The following ABCA13 variants were observed in gnomAD, a reference collection of about 807,000 sequenced individuals.
ABCA13 encodes ATP-binding cassette sub-family A member 13.
A neutral mutation model predicts 478.7 loss-of-function variants in ABCA13; 476 were observed. The observed-to-expected ratio is 0.99, with a 90% CI of 0.92 to 1.07. The LOEUF is 1.07. Ranked by LOEUF, ABCA13 falls within the 50% of genes least tolerant of loss-of-function variation. The pLI, the probability that ABCA13 is intolerant of heterozygous loss-of-function variation, is 0.00. For missense variants in ABCA13, 6,060 were observed against 5,910.6 expected (o/e 1.03, Z -0.83); for synonymous variants, 2,252 against 2,158.9 (o/e 1.04, Z -1.20).
At chr7:48,585,792 TA>T (rs1258965138) in intron 56 of ABCA13, among the ~76,000 whole-genome samples, 1 of 152,150 alleles carries the variant, frequency 6.6e-6, no homozygotes, top group Non-Finnish European at 1.5e-5. Context: ...TGATTATATC[TA>T]AAAAATGAAT....
intron 37 of ABCA13, among the ~76,000 whole-genome samples, chr7:48,391,147 C>A (rs1241177659): frequency 6.6e-6 from 1 of 152,162 alleles, no homozygotes; most frequent in Non-Finnish European, 1.5e-5. Context: ...TTTTAACACA[C>A]ACAGACTATC....
At chr7:48,312,995 A>C (rs1801993614) in intron 24 of ABCA13, 72 bp from the exon 25 acceptor site, 3 of 1,427,560 alleles carry the variant, frequency 2.1e-6, no homozygotes, top group South Asian at 3.3e-5. Context: ...TTCACAGCTC[A>C]AAAGATGCTT....
intron 54 of ABCA13, among the ~76,000 whole-genome samples, chr7:48,526,800 T>C (rs1258550165): frequency 1.3e-5 from 2 of 152,196 alleles, no homozygotes; most frequent in Non-Finnish European, 2.9e-5. Context: ...TGAACTATCA[T>C]TGACTGTATA....
Position 48,232,139 on chromosome 7 carries a change from A to ATTTTTTTTTTTTTTTTTTTTTTTTTTTTT in ABCA13, c.764-1854_764-1853insTTTTTTTTTTTTTTTTTTTTTTTTTTTTT, listed in dbSNP as rs71006559. On this transcript the variant is annotated intron_variant, in intron 7 of 61. Coordinates refer to ENST00000435803, the MANE Select transcript of ABCA13 (RefSeq NM_152701.5). ...CTCAGCACAGTGAGACCCACATGGA[A>ATTTTTTTTTTTTTTTTTTTTTTTTTTTTT]TTTTTTTTTTTTTTTTTTTTTTTTT... is the stretch of plus-strand genomic sequence containing the variant. Among the ~76,000 whole-genome samples, 8 of 51,308 alleles carry ATTTTTTTTTTTTTTTTTTTTTTTTTTTTT rather than the reference A, an allele frequency of 1.6e-4. 1 individual carries two copies. Among genetic ancestry groups the ATTTTTTTTTTTTTTTTTTTTTTTTTTTTT allele is most frequent in the East Asian group, 5.4e-4 (1 of 1,844 alleles). The allele number at this position is 51,308 out of a possible 152,430, so 33.7% of individuals were successfully genotyped here. A position where few individuals can be genotyped will look rare whatever the true frequency, so the allele number is the denominator to read the frequency against.
intron 58 of ABCA13, among the ~76,000 whole-genome samples, chr7:48,599,674 G>T (rs893333877): frequency 3.3e-5 from 5 of 152,166 alleles, no homozygotes; most frequent in Admixed American, 6.5e-5. Context: ...GGTGTGTACT[G>T]CAGTATCCAA....
chr7:48,380,436 T>C (rs1814164413), intron 35 of ABCA13, among the ~76,000 whole-genome samples: 1 of 152,238 alleles, frequency 6.6e-6, no homozygotes. Context: ...GGACAATTTC[T>C]GCTTTAAAAA....
intron 30 of ABCA13, among the ~76,000 whole-genome samples, chr7:48,351,881 A>T (rs4145715): frequency 0.24 from 36,990 of 152,162 alleles, 5,050 homozygotes; most frequent in African/African-American, 0.37. Flanking sequence ...AGAGAAAAAA[A>T]CCCTGCAAAA....
chr7:48,620,134 A>G (rs2131588441), intron 59 of ABCA13, among the ~76,000 whole-genome samples: 1 of 152,212 alleles, frequency 6.6e-6, no homozygotes, highest in Admixed American at 6.5e-5. Flanking sequence ...TCTGAGGAGG[A>G]GGAGGAGGAG....
chr7:48,412,621 C>A, intron 41 of ABCA13, 38 bp downstream of exon 41: 2 of 1,531,060 alleles, frequency 1.3e-6, no homozygotes, highest in Non-Finnish European at 8.9e-7. Context: ...ATTATTTATG[C>A]CTTTTTGACC....
intron 3 of ABCA13, among the ~76,000 whole-genome samples, chr7:48,216,367 A>G (rs1786480776): frequency 6.6e-6 from 1 of 152,084 alleles, no homozygotes; most frequent in Admixed American, 6.6e-5. Flanking sequence ...CTTTTTATGT[A>G]GTTTTTGGCC....
At chr7:48,606,202 A>T (rs1791447209) in intron 58 of ABCA13, among the ~76,000 whole-genome samples, 1 of 152,088 alleles carries the variant, frequency 6.6e-6, no homozygotes, top group Non-Finnish European at 1.5e-5. Flanking sequence ...CACCTTCTGA[A>T]GCCTACTTCT....
intron 38 of ABCA13, among the ~76,000 whole-genome samples, chr7:48,396,664 G>A (rs61041164): frequency 0.12 from 18,370 of 152,190 alleles, 1,510 homozygotes; most frequent in African/African-American, 0.23. Context: ...TGGGAGTACG[G>A]ACCCTCATTG....
chr7:48,314,487 TTCTG>T, intron 26 of ABCA13, 78 bp downstream of exon 26: 2 of 1,303,968 alleles, frequency 1.5e-6, no homozygotes, highest in South Asian at 1.5e-5. Context: ...ATAGTAAGTA[TTCTG>T]TCTGTGTATA....
At chr7:48,629,575 CAAAA>C (rs11392411) in intron 59 of ABCA13, among the ~76,000 whole-genome samples, 8 of 66,948 alleles carry the variant, frequency 1.2e-4, no homozygotes, top group Non-Finnish European at 1.6e-4. Context: ...TACATTTTGG[CAAAA>C]AAAAAAAAAA....
intron 41 of ABCA13, among the ~76,000 whole-genome samples, chr7:48,420,248 T>G (rs1820569200): frequency 6.6e-6 from 1 of 152,190 alleles, no homozygotes; most frequent in Non-Finnish European, 1.5e-5. Flanking sequence ...GATCTCCAAC[T>G]TTACCTACAA....
intron 23 of ABCA13, among the ~76,000 whole-genome samples, chr7:48,309,678 A>AG (rs762570902): frequency 3.3e-5 from 5 of 152,150 alleles, no homozygotes; most frequent in African/African-American, 4.8e-5. Flanking sequence ...TGGAGAGCAG[A>AG]GGGACAGAGT....
intron 42 of ABCA13, among the ~76,000 whole-genome samples, chr7:48,432,708 A>G (rs1250927068): frequency 6.6e-6 from 1 of 152,192 alleles, no homozygotes; most frequent in Non-Finnish European, 1.5e-5. Flanking sequence ...TTTAAGTGAA[A>G]TAAGCTAGGA....
chr7:48,323,458 C>T (rs771647967), intron 27 of ABCA13, among the ~76,000 whole-genome samples: 1 of 152,220 alleles, frequency 6.6e-6, no homozygotes, highest in Non-Finnish European at 1.5e-5. Flanking sequence ...CTTAGCTTTG[C>T]AGATATGCAG....
At chr7:48,492,177 C>T (rs1162051554) in intron 48 of ABCA13, among the ~76,000 whole-genome samples, 1 of 152,154 alleles carries the variant, frequency 6.6e-6, no homozygotes, top group South Asian at 2.1e-4. Flanking sequence ...TCTTCTCAGC[C>T]TCATGTCTCG....
Sources: gnomAD v4.1 joint callset for allele counts (sites outside exome capture counted in the v4.1 genomes callset) on GRCh38, gnomAD v4.1.1 for gene constraint, MANE v1.5 for transcripts, NCBI Gene and HGNC (gene_info 2026-07-23, HGNC 2026-07-21) for gene names.